EML6: variants seen among roughly 807,000 people sequenced by gnomAD.
EML6 encodes the protein EMAP like 6.
In EML6, 154 loss-of-function variants were observed where a neutral mutation model predicts 240.1. The observed-to-expected ratio is 0.64, with a 90% CI of 0.56 to 0.73. The LOEUF (loss-of-function observed/expected upper bound fraction) is 0.73, where lower values mean the gene tolerates loss of function less well. Among genes scored for constraint, EML6 ranks in the 30% least tolerant of loss-of-function variants. EML6 has a pLI of 0.00. For missense variants in EML6, 2,964 were observed against 2,474.6 expected, an observed-to-expected ratio of 1.20 and a Z score of -4.20; for synonymous variants, 1,148 against 899.0, an observed-to-expected ratio of 1.28 and a Z score of -4.95.
intron 25 of EML6, among the ~76,000 whole-genome samples, chr2:54,911,945 G>T (rs1673664883): frequency 6.6e-6 from 1 of 152,186 alleles, no homozygotes; most frequent in Non-Finnish European, 1.5e-5. Flanking sequence ...CTCTTTCAGG[G>T]TGTACACATA....
At chr2:54,913,092 A>C (rs371832912) in intron 25 of EML6, among the ~76,000 whole-genome samples, 2 of 48,270 alleles carry the variant, frequency 4.1e-5, no homozygotes, top group African/African-American at 7.5e-5. Flanking sequence ...TTTTTTTTTT[A>C]CTTTTAATAA....
Position 54,928,501 on chromosome 2 carries a change from G to C in EML6, c.3864G>C (p.Val1288=), listed in dbSNP as rs964679891. The change falls in exon 27 of 42, where the codon GTG becomes GTC. Residue 1288 remains valine (V), a synonymous_variant. Transcript: ENST00000356458. ...ACAGCGAGGAGTCAGACACCGACGT[G>C]GAAGAGGATGGAGGTGAGCCCCCCA... is the stretch of plus-strand genomic sequence containing the variant. ...LVDSEESDTD[V]EEDGGYDSDV... The C allele has an allele frequency of 6.5e-7, 1 of 1,545,204 alleles. No homozygotes were observed. The highest frequency in any genetic ancestry group is 8.7e-7 in the Non-Finnish European group (1 of 1,142,868).
rs1673682799 is a variant in EML6 at position 54,912,289 on chromosome 2, CTT to C, written c.3498+1251_3498+1252del. Among the ~76,000 whole-genome samples, 3 of 152,186 alleles carry C rather than the reference CTT, an allele frequency of 2.0e-5. No individual in the cohort carries two copies. In the South Asian group the frequency reaches 6.2e-4, roughly 31 times the overall value. Reference sequence around the variant, plus strand: ...AATTTATTTGTCTCTGATCCGTCCTCTTTTTAACTTTTTTATATGGAGAAACT... The same window carrying C: ...AATTTATTTGTCTCTGATCCGTCCTCTTTAACTTTTTTATATGGAGAAACT... On this transcript the variant is annotated intron_variant, in intron 25 of 41. Transcript: ENST00000356458.
In EML6 at chr2:54,892,545, A is replaced by G. The variant is rs375432919; in HGVS notation, c.2631A>G (p.Leu877=). ...TTTCTTACGGACGAATGGAAGATCTAGTGTTCTCAGGAGCAGCTACTGGAG... is the reference window on the plus strand; with the variant it reads ...TTTCTTACGGACGAATGGAAGATCTGGTGTTCTCAGGAGCAGCTACTGGAG... ...MCVSYGRMED[L]VFSGAATGDI... The change falls in exon 19 of 42, where the codon CTA becomes CTG. Residue 877 remains leucine (L), a synonymous_variant. Transcript: ENST00000356458. 313 of 1,551,090 alleles carry G rather than the reference A, an allele frequency of 2.0e-4. No individual in the cohort carries two copies. Among genetic ancestry groups the G allele is most frequent in the Non-Finnish European group, 2.6e-4 (299 of 1,146,480 alleles).
intron 5 of EML6, among the ~76,000 whole-genome samples, chr2:54,823,848 C>CAT (rs1668443063): frequency 6.8e-6 from 1 of 146,378 alleles, no homozygotes; most frequent in Non-Finnish European, 1.5e-5. Flanking sequence ...TTCATTCATT[C>CAT]ATTCTCTCTC....
chr2:54,935,539 C>A (rs1405932384), intron 28 of EML6, among the ~76,000 whole-genome samples: 2 of 152,158 alleles, frequency 1.3e-5, no homozygotes, highest in Admixed American at 1.3e-4. Context: ...TTATTAGAGA[C>A]ATTTAAAACT....
intron 28 of EML6, among the ~76,000 whole-genome samples, chr2:54,932,941 C>T (rs1674937528): frequency 6.6e-6 from 1 of 152,120 alleles, no homozygotes; most frequent in African/African-American, 2.4e-5. Context: ...CTGGCCTAAG[C>T]AAAGGGGAAC....
chr2:54,853,903 G>GTA (rs1670229298), intron 11 of EML6, 48 bp downstream of exon 11: 1 of 1,268,002 alleles, frequency 7.9e-7, no homozygotes, highest in Admixed American at 2.1e-5. Flanking sequence ...ACTCTAAACT[G>GTA]TATACAGTAC....
chr2:54,790,455 T>C (rs1026405512), intron 2 of EML6, among the ~76,000 whole-genome samples: 29 of 152,186 alleles, frequency 1.9e-4, no homozygotes, highest in Admixed American at 3.3e-4. Context: ...GTGGGAAATA[T>C]AAACATTGAC....
chr2:54,837,013 T>C (rs1669188985), intron 7 of EML6, among the ~76,000 whole-genome samples: 1 of 152,106 alleles, frequency 6.6e-6, no homozygotes, highest in African/African-American at 2.4e-5. Flanking sequence ...GGCGGGGGGT[T>C]TTGAAGATCT....
At chr2:54,836,133 G>T (rs574744787) in intron 7 of EML6, among the ~76,000 whole-genome samples, 2 of 152,272 alleles carry the variant, frequency 1.3e-5, no homozygotes, top group African/African-American at 4.8e-5. Flanking sequence ...TCAGGAGCTG[G>T]AGACAGATTT....
Position 54,853,725 on chromosome 2 carries a change from T to A in EML6, c.1527T>A (p.Ser509Arg). The change falls in exon 11 of 42, where the codon AGT becomes AGA. Residue 509 changes from serine (S) to arginine (R), a missense_variant. Physicochemically the swap from Ser to Arg is moderately radical, Grantham distance 110 (BLOSUM62 -1). Transcript: ENST00000356458. ...CATGCGTGAAAGGCCCTGAAGTGAG[T>A]GGAATTTGGCCCAAATACACTGAGG... Reference protein sequence around the residue: ...SWTCVKGPEVSGIWPKYTEVT... With the variant: ...SWTCVKGPEVRGIWPKYTEVT... The A allele has an allele frequency of 1.2e-5, 18 of 1,551,552 alleles. No homozygotes were observed. The highest frequency in any genetic ancestry group is 1.6e-5 in the Non-Finnish European group (18 of 1,146,902).
At chr2:54,953,589 G>C (rs1676087649) in intron 31 of EML6, among the ~76,000 whole-genome samples, 1 of 152,090 alleles carries the variant, frequency 6.6e-6, no homozygotes, top group South Asian at 2.1e-4. Context: ...CTAAACATTT[G>C]TCTTAAAAAA....
chr2:54,779,156 GGTAGAACT>G (rs1668734085), intron 2 of EML6, among the ~76,000 whole-genome samples: 1 of 152,136 alleles, frequency 6.6e-6, no homozygotes, highest in African/African-American at 2.4e-5. Context: ...ACTTGTCAGT[GGTAGAACT>G]AGGGAAGATA....
At chr2:54,785,193 T>C (rs1572893237) in intron 2 of EML6, among the ~76,000 whole-genome samples, 1 of 93,490 alleles carries the variant, frequency 1.1e-5, no homozygotes, top group South Asian at 3.2e-4. Flanking sequence ...TTTTTTTTTT[T>C]AAGACGGAGT....
At chr2:54,782,071 C>G (rs1025711390) in intron 2 of EML6, among the ~76,000 whole-genome samples, 1 of 152,108 alleles carries the variant, frequency 6.6e-6, no homozygotes, top group African/African-American at 2.4e-5. Context: ...TTATGCCAAC[C>G]AAATTGCATT....
chr2:54,938,737 T>G (rs752560096), intron 28 of EML6, among the ~76,000 whole-genome samples: 2 of 152,246 alleles, frequency 1.3e-5, no homozygotes, highest in Admixed American at 6.5e-5. Context: ...GATGGGTTCC[T>G]TGGACATCTT....
chr2:54,950,911 C>T, intron 30 of EML6, 132 bp downstream of exon 30: 1 of 977,412 alleles, frequency 1.0e-6, no homozygotes, highest in Non-Finnish European at 1.5e-6. Flanking sequence ...CCAGCATGGT[C>T]TCAGTTAGGC....
At chr2:54,795,724 T>C (rs1021416792) in intron 2 of EML6, among the ~76,000 whole-genome samples, 15 of 152,166 alleles carry the variant, frequency 9.9e-5, no homozygotes, top group African/African-American at 2.4e-4. Flanking sequence ...AAGCAAACTT[T>C]AGTATCTAGC....
Sources: allele counts gnomAD v4.1 joint callset (sites outside exome capture counted in the v4.1 genomes callset), GRCh38; gene constraint gnomAD v4.1.1; transcripts MANE v1.5; gene names NCBI Gene and HGNC (gene_info 2026-07-23, HGNC 2026-07-21).